Variants in VMAC observed in about 807,000 individuals in gnomAD.
VMAC encodes the protein vimentin type intermediate filament associated coiled-coil protein.
Under a neutral mutation model 4.8 loss-of-function variants are expected in VMAC, and 8 were observed. The ratio of observed to expected loss-of-function variants is 1.68; its 90% confidence interval spans 0.99 to 3.03. The LOEUF (loss-of-function observed/expected upper bound fraction) is 3.03. Ranked by LOEUF, VMAC falls within the 30% of genes most tolerant of loss-of-function variation. VMAC has a pLI of 0.00. For synonymous variants in VMAC, 96 were observed against 113.7 expected, an observed-to-expected ratio of 0.84 and a Z score of 0.99; for missense variants, 248 against 245.1, an observed-to-expected ratio of 1.01 and a Z score of -0.08.
chr19:5,905,329 G>A (rs2057674687), intron 1 of VMAC, among the ~76,000 whole-genome samples: 1 of 152,246 alleles, frequency 6.6e-6, no homozygotes, highest in Non-Finnish European at 1.5e-5. Context: ...GCGACGCAGG[G>A]ACCACAGACC....
rs386388442 is a variant in VMAC, at chr19:5,908,655, T to TAATAAAAAC, written c.192-167_192-166insTAAAAACAA. ...ATAAAATAAAATATAATAATAATAATAAAAACAAAGAAACATTCTGTTCAT... is the reference window on the plus strand; with the variant it reads ...ATAAAATAAAATATAATAATAATAATAATAAAAACAAAAACAAAGAAACATTCTGTTCAT... On this transcript the variant is annotated intron_variant, in intron 1 of 1. Coordinates refer to ENST00000339485, the MANE Select transcript of VMAC (RefSeq NM_001017921.4). The surrounding 1 kb of genome is among the most constrained non-coding windows in gnomAD (Gnocchi z 4.5). 2.0e-4 allele frequency among the ~76,000 whole-genome samples: 30 copies of TAATAAAAAC among 151,096 alleles called. No individual in the cohort carries two copies. Among genetic ancestry groups the TAATAAAAAC allele is most frequent in the African/African-American group, 7.3e-4 (30 of 41,208 alleles).
chr19:5,905,587 T>C (rs1166674479), intron 1 of VMAC, among the ~76,000 whole-genome samples: 1 of 151,556 alleles, frequency 6.6e-6, no homozygotes, highest in Non-Finnish European at 1.5e-5. Context: ...GCCCGGTCGA[T>C]TTTTTGTATT....
intron 1 of VMAC, among the ~76,000 whole-genome samples, chr19:5,907,747 C>T (rs1320834437): frequency 1.3e-5 from 2 of 151,642 alleles, no homozygotes; most frequent in East Asian, 3.9e-4. Context: ...GATCACACCA[C>T]TGCACTCCAG....
rs1193410979 is a variant in VMAC, at chr19:5,904,944, C to G, written c.54C>G (p.Ala18=). 1.3e-6 allele frequency: 2 copies of G among 1,483,938 alleles called. No individual in the cohort carries two copies. Among genetic ancestry groups the G allele is most frequent in the East Asian group, 2.9e-5 (1 of 34,506 alleles). 91.9% of individuals were successfully genotyped at this position (1,483,938 alleles called of 1,614,324 possible). Residue 18 remains alanine, a synonymous_variant, in exon 1 of 2, where the codon GCC becomes GCG. Transcript: ENST00000339485. ...QIREANAHLA[A]VHRRAAELEA... ...GGGAGGCAAACGCACACCTGGCAGCCGTGCACCGGCGCGCAGCGGAGCTGG... is the reference window on the plus strand; with the variant it reads ...GGGAGGCAAACGCACACCTGGCAGCGGTGCACCGGCGCGCAGCGGAGCTGG...
At chr19:5,905,985 T>C (rs1568434857) in intron 1 of VMAC, among the ~76,000 whole-genome samples, 1 of 151,142 alleles carries the variant, frequency 6.6e-6, no homozygotes, top group East Asian at 2.0e-4. Context: ...TAAGCCACCA[T>C]GCCTATCTAT....
Position 5,909,173 on chromosome 19 carries a change from G to A in VMAC, c.*31G>A. The A allele has an allele frequency of 4.6e-6, 7 of 1,523,294 alleles. No homozygotes were observed. The highest frequency in any genetic ancestry group is 6.1e-6 in the Non-Finnish European group (7 of 1,142,854). The allele number at this position is 1,523,294 out of a possible 1,614,324, so 94.4% of individuals were successfully genotyped here. A position where few individuals can be genotyped will look rare whatever the true frequency, so the allele number is the denominator to read the frequency against. On this transcript the variant is annotated 3_prime_UTR_variant, in exon 2 of 2. Transcript: ENST00000339485. ...GAATGCAGATTACAGAATGGAGACAGAAAGCCACTGCTGTCAGTGTCCTTG... is the reference window on the plus strand; with the variant it reads ...GAATGCAGATTACAGAATGGAGACAAAAAGCCACTGCTGTCAGTGTCCTTG...
intron 1 of VMAC, among the ~76,000 whole-genome samples, chr19:5,906,270 A>G (rs1007296170): frequency 2.0e-5 from 3 of 152,208 alleles, no homozygotes; most frequent in African/African-American, 7.2e-5. Context: ...ATGCTGGCCC[A>G]TATCAGCATT....
rs1420900021 is a variant in VMAC, at chr19:5,904,977, G to C, written c.87G>C (p.Arg29=). ...VHRRAAELEA[R]LDAAERTVHA... Reference sequence around the variant, plus strand: ...GGCGCGCAGCGGAGCTGGAGGCGCGGCTGGACGCGGCGGAGCGCACGGTGC... The same window carrying C: ...GGCGCGCAGCGGAGCTGGAGGCGCGCCTGGACGCGGCGGAGCGCACGGTGC... The change falls in exon 1 of 2, where the codon CGG becomes CGC. Residue 29 remains arginine, a synonymous_variant. Transcript: ENST00000339485. 2 of 1,467,696 alleles carry C rather than the reference G, an allele frequency of 1.4e-6. No individual in the cohort carries two copies. Among genetic ancestry groups the C allele is most frequent in the Admixed American group, 2.6e-5 (1 of 39,044 alleles). 90.9% of individuals were successfully genotyped at this position (1,467,696 alleles called of 1,614,324 possible). A position where few individuals can be genotyped will look rare whatever the true frequency, so the allele number is the denominator to read the frequency against.
At chr19:5,907,467 G>C (rs2057682566) in intron 1 of VMAC, among the ~76,000 whole-genome samples, 1 of 151,552 alleles carries the variant, frequency 6.6e-6, no homozygotes, top group Admixed American at 6.6e-5. Flanking sequence ...TCATGATAGT[G>C]AGTGAGTTCT....
rs776259116 is a variant in VMAC at position 5,909,052 on chromosome 19, C to T, written c.420C>T (p.Pro140=). The stretch of plus-strand genomic sequence containing the variant: ...CCAGTGACCCCGGCCACCCACCCCC[C>T]GGTGGGCCTGGTCCACCCCTTGACA... ...LPASDPGHPP[P]GGPGPPLDNS... The change falls in exon 2 of 2, where the codon CCC becomes CCT. Residue 140 remains proline, a synonymous_variant. Transcript: ENST00000339485. 24 of 1,565,098 alleles carry T rather than the reference C, an allele frequency of 1.5e-5. 1 individual carries two copies. The highest frequency in any genetic ancestry group is 1.5e-4 in the South Asian group (13 of 86,832).
Position 5,904,889 on chromosome 19 carries a change from C to T in VMAC, c.-2C>T, listed in dbSNP as rs764164487. ...GGCCGGGCCTGTACAGCAGCCTGGG[C>T]CATGTCGGCGCCGCCGGCCCTGCAG... On this transcript the variant is annotated 5_prime_UTR_variant, in exon 1 of 2. Coordinates refer to ENST00000339485, the MANE Select transcript of VMAC (RefSeq NM_001017921.4). 6.1e-6 allele frequency: 9 copies of T among 1,474,278 alleles called. No homozygotes were observed. Among genetic ancestry groups the T allele is most frequent in the Middle Eastern group, 2.4e-4 (1 of 4,192 alleles). 91.3% of individuals were successfully genotyped at this position (1,474,278 alleles called of 1,614,324 possible). A position where few individuals can be genotyped will look rare whatever the true frequency, so the allele number is the denominator to read the frequency against.
In VMAC at chr19:5,909,210, C is replaced by T; in HGVS notation, c.*68C>T. Reference sequence around the variant, plus strand: ...TGTCAGTGTCCTTGGGAGTCACCAGCACCCTGCAGGGGGACCCTACGGCAG... The same window carrying T: ...TGTCAGTGTCCTTGGGAGTCACCAGTACCCTGCAGGGGGACCCTACGGCAG... On this transcript the variant is annotated 3_prime_UTR_variant, in exon 2 of 2. Transcript: ENST00000339485. 1 of 1,484,030 alleles carries T rather than the reference C, an allele frequency of 6.7e-7. No homozygotes were observed. The highest frequency in any genetic ancestry group is 9.0e-7 in the Non-Finnish European group (1 of 1,116,812). The allele number at this position is 1,484,030 out of a possible 1,614,324, so 91.9% of individuals were successfully genotyped here.
At chr19:5,907,638 T>TAAAAAAAAAAAAAAA (rs2057683620) in intron 1 of VMAC, among the ~76,000 whole-genome samples, 1 of 31,144 alleles carries the variant, frequency 3.2e-5, no homozygotes, top group Non-Finnish European at 6.3e-5. Flanking sequence ...AAAAAAAAAT[T>TAAAAAAAAAAAAAAA]AGCTGGGCAT....
chr19:5,905,072 C>T lies in VMAC; in HGVS notation c.182C>T (p.Ala61Val). 7.4e-7 allele frequency: 1 copy of T among 1,357,542 alleles called. No homozygotes were observed. Among genetic ancestry groups the T allele is most frequent in the South Asian group, 1.8e-5 (1 of 55,694 alleles). 84.1% of individuals were successfully genotyped at this position (1,357,542 alleles called of 1,614,324 possible). ...LRAALDELGRAKDREIATLQE... is the reference protein window; with the variant it reads ...LRAALDELGRVKDREIATLQE... Reference sequence around the variant, plus strand: ...GCCGCCCTAGACGAACTGGGTCGCGCCAAGGACCGGTGAGGCCCGGGGCCG... The same window carrying T: ...GCCGCCCTAGACGAACTGGGTCGCGTCAAGGACCGGTGAGGCCCGGGGCCG... Residue 61 changes from alanine (A) to valine (V), a missense_variant, in exon 1 of 2, where the codon GCC becomes GTC. Coordinates refer to ENST00000339485, the MANE Select transcript of VMAC (RefSeq NM_001017921.4).
chr19:5,905,851 C>A (rs146217006), intron 1 of VMAC, among the ~76,000 whole-genome samples: 2 of 152,286 alleles, frequency 1.3e-5, no homozygotes, highest in African/African-American at 4.8e-5. Context: ...TCCACCACCA[C>A]GCATGGCTTA....
At chr19:5,907,610 T>TCAAAAAAAAAAAAAAAAAAAAAA (rs2057683179) in intron 1 of VMAC, among the ~76,000 whole-genome samples, 1 of 18,692 alleles carries the variant, frequency 5.3e-5, no homozygotes, top group Non-Finnish European at 1.0e-4. Flanking sequence ...CTGTCTCTAC[T>TCAAAAAAAAAAAAAAAAAAAAAA]AAAAAAAAAA....
Position 5,904,919 on chromosome 19 carries a change from G to C in VMAC, c.29G>C (p.Arg10Pro), listed in dbSNP as rs781637600. 9.4e-6 allele frequency: 14 copies of C among 1,490,428 alleles called. No individual in the cohort carries two copies. Among genetic ancestry groups the C allele is most frequent in the Admixed American group, 2.3e-5 (1 of 43,562 alleles). 92.3% of individuals were successfully genotyped at this position (1,490,428 alleles called of 1,614,324 possible). Residue 10 changes from arginine to proline, a missense_variant, in exon 1 of 2, where the codon CGG becomes CCG. Physicochemically the swap from Arg to Pro is moderately radical, Grantham distance 103 (BLOSUM62 -2). Transcript: ENST00000339485. The stretch of plus-strand genomic sequence containing the variant: ...TCGGCGCCGCCGGCCCTGCAGATCC[G>C]GGAGGCAAACGCACACCTGGCAGCC... The part of the protein sequence containing the change: MSAPPALQI[R>P]EANAHLAAVH...
rs2057673394 is a variant in VMAC at position 5,905,076 on chromosome 19, G to A, written c.186G>A (p.Lys62=). The change falls in exon 1 of 2, where the codon AAG becomes AAA. Residue 62 remains lysine (K), a synonymous_variant. Transcript: ENST00000339485. ...RAALDELGRA[K]DREIATLQEQ... ...CCCTAGACGAACTGGGTCGCGCCAA[G>A]GACCGGTGAGGCCCGGGGCCGGCCA... The A allele has an allele frequency of 7.4e-7, 1 of 1,354,952 alleles. No homozygotes were observed. Among genetic ancestry groups the A allele is most frequent in the Non-Finnish European group, 9.4e-7 (1 of 1,061,060 alleles). 83.9% of individuals were successfully genotyped at this position (1,354,952 alleles called of 1,614,324 possible). A position where few individuals can be genotyped will look rare whatever the true frequency, so the allele number is the denominator to read the frequency against.
In VMAC at chr19:5,908,009, T is replaced by C. The variant is rs755544327; in HGVS notation, c.192-815T>C. 1.3e-5 allele frequency among the ~76,000 whole-genome samples: 2 copies of C among 152,156 alleles called. No homozygotes were observed. Among genetic ancestry groups the C allele is most frequent in the Non-Finnish European group, 2.9e-5 (2 of 68,032 alleles). ...TGAGAATGGACTAATACACCTCCCATTGGGGTTAGGACTTCATCATATGAA... is the reference window on the plus strand; with the variant it reads ...TGAGAATGGACTAATACACCTCCCACTGGGGTTAGGACTTCATCATATGAA... On this transcript the variant is annotated intron_variant, in intron 1 of 1. Transcript: ENST00000339485. This position sits in a 1 kb window ranked among gnomAD's most constrained non-coding sequence, Gnocchi z 4.5.
Sources: gnomAD v4.1 joint callset for allele counts (sites outside exome capture counted in the v4.1 genomes callset) on GRCh38, gnomAD v4.1.1 for gene constraint, Gnocchi (gnomAD v3.1) non-coding constraint, MANE v1.5 for transcripts, NCBI Gene and HGNC (gene_info 2026-07-23, HGNC 2026-07-21) for gene names.